TPD52L1: variants seen among roughly 807,000 people sequenced by gnomAD.
TPD52L1 encodes TPD52 like 1.
TPD52L1 carries 18 observed loss-of-function variants against 28.7 expected under a neutral mutation model. The ratio of observed to expected loss-of-function variants is 0.63; its 90% CI spans 0.43 to 0.93. TPD52L1 has a LOEUF of 0.93. TPD52L1 is among the 40% of genes least tolerant of loss of function. The pLI, the probability that TPD52L1 is intolerant of heterozygous loss-of-function variation, is 0.00. For missense variants in TPD52L1, 203 were observed against 254.8 expected, an observed-to-expected ratio of 0.80 and a Z score of 1.39; for synonymous variants, 75 against 88.8, an observed-to-expected ratio of 0.84 and a Z score of 0.88.
intron 3 of TPD52L1, among the ~76,000 whole-genome samples, chr6:125,240,318 G>A (rs540249142): frequency 6.6e-6 from 1 of 152,068 alleles, no homozygotes; most frequent in African/African-American, 2.4e-5. Context: ...CTTTTTTGGG[G>A]GTTCCATGTG....
At chr6:125,166,132 C>T (rs1341160220) in intron 1 of TPD52L1, among the ~76,000 whole-genome samples, 3 of 151,990 alleles carry the variant, frequency 2.0e-5, no homozygotes, top group African/African-American at 4.8e-5. Flanking sequence ...AGCATATTCA[C>T]GGAAGCAGAA....
intron 1 of TPD52L1, chr6:125,154,450 G>C (rs1486952070): frequency 3.0e-6 from 3 of 986,648 alleles, no homozygotes; most frequent in Non-Finnish European, 3.6e-6. Flanking sequence ...CAGCCCGGCT[G>C]CGCGAGACGC....
At chr6:125,176,221 C>T (rs1791814144) in intron 1 of TPD52L1, among the ~76,000 whole-genome samples, 2 of 152,140 alleles carry the variant, frequency 1.3e-5, no homozygotes, top group Non-Finnish European at 2.9e-5. Flanking sequence ...GCACATGTGG[C>T]CTGCTCTACT....
intron 1 of TPD52L1, among the ~76,000 whole-genome samples, chr6:125,188,463 C>T (rs1398018112): frequency 6.6e-6 from 1 of 152,116 alleles, no homozygotes; most frequent in African/African-American, 2.4e-5. Context: ...AATTAAATAT[C>T]CTTCTTAGAA....
At chr6:125,153,992 CGA>C in intron 1 of TPD52L1, 22 bp downstream of exon 1, 2 of 1,604,312 alleles carry the variant, frequency 1.2e-6, no homozygotes, top group Non-Finnish European at 1.7e-6. Flanking sequence ...CCGATCGCCC[CGA>C]GAGTCAGGTC....
chr6:125,196,074 T>C (rs1793421457), intron 1 of TPD52L1, among the ~76,000 whole-genome samples: 1 of 152,160 alleles, frequency 6.6e-6, no homozygotes, highest in Non-Finnish European at 1.5e-5. Context: ...GTGTCACCAG[T>C]GGGGATTAAC....
intron 1 of TPD52L1, among the ~76,000 whole-genome samples, chr6:125,191,862 A>G (rs938897755): frequency 2.0e-5 from 3 of 152,204 alleles, no homozygotes; most frequent in Non-Finnish European, 4.4e-5. Flanking sequence ...TTAACAAGGT[A>G]AGTTCAAGAA....
intron 1 of TPD52L1, among the ~76,000 whole-genome samples, chr6:125,169,447 C>T (rs1166142618): frequency 6.6e-6 from 1 of 152,102 alleles, no homozygotes; most frequent in East Asian, 1.9e-4. Flanking sequence ...ACACTGATCT[C>T]CTGAGCTCCC....
intron 1 of TPD52L1, among the ~76,000 whole-genome samples, chr6:125,168,895 A>G (rs1338125827): frequency 6.6e-6 from 1 of 152,242 alleles, no homozygotes; most frequent in Non-Finnish European, 1.5e-5. Context: ...TGTTTCAAAC[A>G]TAATGGCCCC....
At chr6:125,215,134 A>G (rs1328724155) in intron 1 of TPD52L1, among the ~76,000 whole-genome samples, 2 of 152,270 alleles carry the variant, frequency 1.3e-5, no homozygotes, top group East Asian at 3.9e-4. Flanking sequence ...ATTTTTTTTA[A>G]CTTTTTCTAA....
chr6:125,160,601 A>T (rs1283348976), intron 1 of TPD52L1, among the ~76,000 whole-genome samples: 1 of 152,222 alleles, frequency 6.6e-6, no homozygotes. Flanking sequence ...CACCAGCTAC[A>T]TTAGCCCCTA....
chr6:125,163,753 C>G (rs1790683768), intron 1 of TPD52L1, among the ~76,000 whole-genome samples: 1 of 150,720 alleles, frequency 6.6e-6, no homozygotes, highest in Non-Finnish European at 1.5e-5. Context: ...TCGTGAAACC[C>G]CCTCTCTACT....
At chr6:125,202,140 A>G (rs1331896856) in intron 1 of TPD52L1, among the ~76,000 whole-genome samples, 1 of 152,110 alleles carries the variant, frequency 6.6e-6, no homozygotes, top group Non-Finnish European at 1.5e-5. Context: ...TCGCCTTTGC[A>G]TTGAAGTTGT....
intron 1 of TPD52L1, among the ~76,000 whole-genome samples, chr6:125,219,675 G>T (rs933995797): frequency 1.3e-5 from 2 of 152,132 alleles, no homozygotes; most frequent in Non-Finnish European, 2.9e-5. Flanking sequence ...TGACTCTCAG[G>T]GTGCAGCCCT....
At chr6:125,220,640 A>C (rs1029776873) in intron 2 of TPD52L1, among the ~76,000 whole-genome samples, 2 of 152,188 alleles carry the variant, frequency 1.3e-5, no homozygotes, top group East Asian at 3.9e-4. Context: ...TCATAGAAGC[A>C]ACTGAATTTA....
In TPD52L1 at chr6:125,263,119, T is replaced by C; in HGVS notation, c.*157T>C. The stretch of plus-strand genomic sequence containing the variant: ...CCTCCAGAAAGTTTAATGATTTCCA[T>C]TTGTATTTGTGTTGATGATGGACCA... On this transcript the variant is annotated 3_prime_UTR_variant, in exon 7 of 7. Coordinates refer to ENST00000534000, the MANE Select transcript of TPD52L1 (RefSeq NM_003287.4). The C allele has an allele frequency of 3.4e-6, 3 of 875,178 alleles. No individual in the cohort carries two copies. The highest frequency in any genetic ancestry group is 5.0e-6 in the Non-Finnish European group (3 of 594,538). The allele number at this position is 875,178 out of a possible 1,614,324, so 54.2% of individuals were successfully genotyped here. A position where few individuals can be genotyped will look rare whatever the true frequency, so the allele number is the denominator to read the frequency against.
At chr6:125,204,636 C>G (rs549514091) in intron 1 of TPD52L1, among the ~76,000 whole-genome samples, 1 of 152,030 alleles carries the variant, frequency 6.6e-6, no homozygotes, top group Non-Finnish European at 1.5e-5. Flanking sequence ...CCCGCCGTCA[C>G]GCCCGGGTAA....
At position 125,171,266 on chromosome 6, in the gene TPD52L1, A is replaced by G. The variant is rs190989907; in HGVS notation, c.19+17296A>G. Among the ~76,000 whole-genome samples, 14 of 152,294 alleles carry G rather than the reference A, an allele frequency of 9.2e-5. No homozygotes were observed. In the East Asian group the frequency reaches 2.3e-3, roughly 25 times the overall value. ...TGTTTGATGATATGATGTACACTCA[A>G]CAGACTAGGTTATCCACATACATGT... On this transcript the variant is annotated intron_variant, in intron 1 of 6. Coordinates refer to ENST00000534000, the MANE Select transcript of TPD52L1 (RefSeq NM_003287.4).
intron 1 of TPD52L1, among the ~76,000 whole-genome samples, chr6:125,172,211 T>C (rs1791449976): frequency 7.1e-6 from 1 of 141,190 alleles, no homozygotes; most frequent in Non-Finnish European, 1.5e-5. Flanking sequence ...CTTTCTTCTT[T>C]CTTTCTTTCC....
Sources: gnomAD v4.1 joint callset for allele counts (sites outside exome capture counted in the v4.1 genomes callset) on GRCh38, gnomAD v4.1.1 for gene constraint, MANE v1.5 for transcripts, NCBI Gene and HGNC (gene_info 2026-07-23, HGNC 2026-07-21) for gene names.